ZNF385D: variants seen among roughly 807,000 people sequenced by gnomAD.
ZNF385D encodes the protein zinc finger protein 659.
Under a neutral mutation model 35.8 loss-of-function variants are expected in ZNF385D, and 15 were observed. That is an observed-to-expected ratio of 0.42 (90% CI 0.28 to 0.64). The LOEUF (loss-of-function observed/expected upper bound fraction) is 0.64, where lower values mean the gene tolerates loss of function less well. ZNF385D is among the 30% of genes least tolerant of loss of function. The pLI is 0.23. For synonymous variants in ZNF385D, 212 were observed against 186.8 expected, an observed-to-expected ratio of 1.13 and a Z score of -1.10; for missense variants, 474 against 494.6, an observed-to-expected ratio of 0.96 and a Z score of 0.39.
chr3:21,717,446 G>C (rs768770806), intron 1 of ZNF385D, among the ~76,000 whole-genome samples: 8 of 152,176 alleles, frequency 5.3e-5, no homozygotes, highest in Non-Finnish European at 7.3e-5. Flanking sequence ...CCTTGATACA[G>C]AGATTGCGAT....
intron 3 of ZNF385D, among the ~76,000 whole-genome samples, chr3:22,043,722 T>C (rs1698816241): frequency 6.6e-6 from 1 of 151,662 alleles, no homozygotes; most frequent in Non-Finnish European, 1.5e-5. Context: ...TCATTGACTG[T>C]GGCTGGACCT....
rs561056880 is a variant in ZNF385D at position 22,208,274 on chromosome 3, C to T, written c.107-39239G>A. 5.9e-5 allele frequency among the ~76,000 whole-genome samples: 9 copies of T among 151,940 alleles called. No individual in the cohort carries two copies. The East Asian group carries it at 1.7e-3, about 29-fold the overall frequency. On this transcript the variant is annotated intron_variant, in intron 2 of 5. Transcript: ENST00000494108. ...ATTTGGTCATAAAATATATGAGATC[C>T]TGTCATTTGCAACAACATGGATGGA...
intron 3 of ZNF385D, among the ~76,000 whole-genome samples, chr3:22,115,632 G>T (rs2125654200): frequency 6.6e-6 from 1 of 152,156 alleles, no homozygotes; most frequent in Middle Eastern, 3.4e-3. Context: ...CATTTTACTG[G>T]AGTTGAATCT....
intron 3 of ZNF385D, among the ~76,000 whole-genome samples, chr3:21,921,950 T>C (rs1700485152): frequency 6.6e-6 from 1 of 151,966 alleles, no homozygotes; most frequent in East Asian, 1.9e-4. Context: ...CTACTGAAAC[T>C]ATTTCAAAAA....
At chr3:21,984,251 C>A (rs1694679337) in intron 3 of ZNF385D, among the ~76,000 whole-genome samples, 1 of 147,248 alleles carries the variant, frequency 6.8e-6, no homozygotes, top group African/African-American at 2.7e-5. Context: ...ACGCCTATGT[C>A]CTGAATGGTA....
At chr3:21,730,132 A>C (rs1320637754) in intron 1 of ZNF385D, among the ~76,000 whole-genome samples, 3 of 152,228 alleles carry the variant, frequency 2.0e-5, no homozygotes, top group African/African-American at 7.2e-5. Flanking sequence ...GGATTTGACC[A>C]TGGTCTTTCA....
intron 1 of ZNF385D, among the ~76,000 whole-genome samples, chr3:21,714,364 T>A (rs951174038): frequency 6.6e-6 from 1 of 152,132 alleles, no homozygotes; most frequent in Non-Finnish European, 1.5e-5. Flanking sequence ...TCTTTCCCCA[T>A]CCACTTCTGA....
At chr3:21,726,569 T>G (rs922463363) in intron 1 of ZNF385D, among the ~76,000 whole-genome samples, 2 of 152,172 alleles carry the variant, frequency 1.3e-5, no homozygotes, top group Admixed American at 6.5e-5. Flanking sequence ...GAACTCTCAT[T>G]CACAATTGCT....
At chr3:22,240,109 G>A (rs1576547821) in intron 2 of ZNF385D, among the ~76,000 whole-genome samples, 1 of 146,798 alleles carries the variant, frequency 6.8e-6, no homozygotes, top group Non-Finnish European at 1.5e-5. Context: ...CCTGAGCCCA[G>A]GAGGTCAAGG....
At chr3:21,888,249 T>C (rs575079934) in intron 3 of ZNF385D, among the ~76,000 whole-genome samples, 116 of 152,308 alleles carry the variant, frequency 7.6e-4, no homozygotes, top group Non-Finnish European at 1.4e-3. Context: ...AAAAGTAAGC[T>C]AGTATGGACT....
At chr3:21,984,658 TG>T (rs1247675499) in intron 3 of ZNF385D, among the ~76,000 whole-genome samples, 1 of 110,030 alleles carries the variant, frequency 9.1e-6, no homozygotes, top group Non-Finnish European at 1.9e-5. Context: ...GGCTCTTTTT[TG>T]GTTCCATATG....
In ZNF385D at chr3:21,418,576, T is replaced by G. The variant is rs1031720982; in HGVS notation, c.*2638A>C. 1 of 152,154 alleles carries G rather than the reference T, an allele frequency of 6.6e-6. No homozygotes were observed. Among genetic ancestry groups the G allele is most frequent in the Non-Finnish European group, 1.5e-5 (1 of 68,026 alleles). 9.4% of individuals were successfully genotyped at this position (152,154 alleles called of 1,614,324 possible). ...TTTCTGAGATTTCTTATATGGCTGA[T>G]GGAGAAAATATGGCTGATTCGTTTG... On this transcript the variant is annotated 3_prime_UTR_variant, in exon 8 of 8. Transcript: ENST00000281523.
intron 3 of ZNF385D, among the ~76,000 whole-genome samples, chr3:21,552,637 T>G (rs1261961265): frequency 6.6e-6 from 1 of 152,218 alleles, no homozygotes; most frequent in African/African-American, 2.4e-5. Context: ...TAAGGGCAAT[T>G]TATTCATATG....
chr3:21,604,437 A>G (rs1232775036), intron 2 of ZNF385D, among the ~76,000 whole-genome samples: 1 of 152,192 alleles, frequency 6.6e-6, no homozygotes, highest in Admixed American at 6.5e-5. Flanking sequence ...AGGAATTTCT[A>G]TTATGTAGGA....
Position 21,662,958 on chromosome 3 carries a change from C to T in ZNF385D, c.165+1928G>A, listed in dbSNP as rs191487904. 1.7e-4 allele frequency among the ~76,000 whole-genome samples: 26 copies of T among 152,192 alleles called. No individual in the cohort carries two copies. The East Asian group carries it at 3.1e-3, about 18-fold the overall frequency. On this transcript the variant is annotated intron_variant, in intron 2 of 7. Transcript: ENST00000281523. ...CAACCCTTACCACAGACTTATGAGG[C>T]GTATTATATTATTAGTCCCATTATG...
chr3:22,283,616 G>T (rs974345411), intron 2 of ZNF385D, among the ~76,000 whole-genome samples: 1 of 152,158 alleles, frequency 6.6e-6, no homozygotes, highest in African/African-American at 2.4e-5. Context: ...GCTGTGTGCA[G>T]CTTTGAGCAA....
At chr3:21,457,772 C>A (rs1702912328) in intron 4 of ZNF385D, among the ~76,000 whole-genome samples, 1 of 152,162 alleles carries the variant, frequency 6.6e-6, no homozygotes, top group Non-Finnish European at 1.5e-5. Context: ...GTAAGATCCA[C>A]AGAGTTTCTA....
chr3:21,772,236 T>C (rs2071105788), intron 3 of ZNF385D, among the ~76,000 whole-genome samples: 1 of 151,876 alleles, frequency 6.6e-6, no homozygotes, highest in Admixed American at 6.6e-5. Context: ...CACAACTTTA[T>C]AAAAATTTTT....
chr3:21,828,506 C>G (rs746472165), intron 3 of ZNF385D, among the ~76,000 whole-genome samples: 3 of 152,110 alleles, frequency 2.0e-5, no homozygotes, highest in African/African-American at 7.2e-5. Flanking sequence ...CACCTATAAC[C>G]TACATCATTT....
Sources: allele counts gnomAD v4.1 joint callset (sites outside exome capture counted in the v4.1 genomes callset), GRCh38; gene constraint gnomAD v4.1.1; transcripts MANE v1.5; gene names NCBI Gene and HGNC (gene_info 2026-07-23, HGNC 2026-07-21).